The following DCLK1 variants were observed in gnomAD, a reference collection of about 807,000 sequenced individuals.
The protein encoded by DCLK1 is doublecortin like kinase 1.
Under a neutral mutation model 86.2 loss-of-function variants are expected in DCLK1, and 16 were observed. The ratio of observed to expected loss-of-function variants is 0.19; its 90% CI spans 0.13 to 0.28. DCLK1 has a LOEUF of 0.28. DCLK1 is among the 10% of genes least tolerant of loss of function. DCLK1 has a pLI of 1.00. For missense variants in DCLK1, 590 were observed against 940.2 expected, an observed-to-expected ratio of 0.63 and a Z score of 4.87; for synonymous variants, 369 against 370.5, an observed-to-expected ratio of 1.00 and a Z score of 0.05.
chr13:35,819,653 G>A (rs2087346831), intron 11 of DCLK1, among the ~76,000 whole-genome samples: 1 of 152,108 alleles, frequency 6.6e-6, no homozygotes, highest in African/African-American at 2.4e-5. Context: ...CCTATAATAA[G>A]TAAATGGATT....
In DCLK1 at chr13:36,010,164, T is replaced by C. The variant is rs1322450365; in HGVS notation, c.724-62707A>G. ...GTTTTCTAGATAAACAATCATGTCGTCTGCAAACAGGGACAATTTGACTTC... is the reference window on the plus strand; with the variant it reads ...GTTTTCTAGATAAACAATCATGTCGCCTGCAAACAGGGACAATTTGACTTC... On this transcript the variant is annotated intron_variant, in intron 3 of 16. Transcript: ENST00000360631. Among the ~76,000 whole-genome samples, 5 of 33,298 alleles carry C rather than the reference T, an allele frequency of 1.5e-4. No individual in the cohort carries two copies. In the South Asian group the frequency reaches 0.013, roughly 85 times the overall value. 21.8% of individuals were successfully genotyped at this position (33,298 alleles called of 152,430 possible). A position where few individuals can be genotyped will look rare whatever the true frequency, so the allele number is the denominator to read the frequency against.
intron 4 of DCLK1, among the ~76,000 whole-genome samples, chr13:35,925,948 A>C (rs75226744): frequency 6.6e-6 from 1 of 152,148 alleles, no homozygotes; most frequent in African/African-American, 2.4e-5. Context: ...CTTTACTTAA[A>C]CCCGTAGTTT....
chr13:36,087,586 AGT>A (rs1884656245), intron 3 of DCLK1, among the ~76,000 whole-genome samples: 1 of 152,156 alleles, frequency 6.6e-6, no homozygotes, highest in Non-Finnish European at 1.5e-5. Flanking sequence ...GCCTAGTGGC[AGT>A]TTGGACGTGC....
chr13:35,890,541 T>C (rs1214888813), intron 4 of DCLK1, among the ~76,000 whole-genome samples: 1 of 152,196 alleles, frequency 6.6e-6, no homozygotes, highest in Non-Finnish European at 1.5e-5. Context: ...ACAAATAAAC[T>C]GCAGTAAACC....
intron 4 of DCLK1, among the ~76,000 whole-genome samples, chr13:35,884,699 C>A (rs1214527967): frequency 6.6e-6 from 1 of 152,124 alleles, no homozygotes; most frequent in Non-Finnish European, 1.5e-5. Flanking sequence ...ACTCAACCTA[C>A]TCTAGCACAT....
chr13:36,086,579 C>A (rs996889851), intron 3 of DCLK1, among the ~76,000 whole-genome samples: 3 of 151,752 alleles, frequency 2.0e-5, no homozygotes, highest in Admixed American at 2.0e-4. Flanking sequence ...AGGTTTTAAG[C>A]CCCACATGCA....
At chr13:35,909,203 A>G (rs1476200002) in intron 4 of DCLK1, among the ~76,000 whole-genome samples, 1 of 152,166 alleles carries the variant, frequency 6.6e-6, no homozygotes, top group Non-Finnish European at 1.5e-5. Flanking sequence ...GTGGGGCCAC[A>G]TGGCTGCTGA....
chr13:35,914,364 T>TAC (rs1312474340), intron 4 of DCLK1, among the ~76,000 whole-genome samples: 1 of 8,182 alleles, frequency 1.2e-4, no homozygotes, highest in African/African-American at 3.2e-4. Flanking sequence ...TATATATATA[T>TAC]ATATGTATAT....
chr13:35,849,384 C>A, intron 6 of DCLK1: 1 of 985,114 alleles, frequency 1.0e-6, no homozygotes, highest in South Asian at 4.7e-5. Context: ...GTAAAAGCCT[C>A]CAAATGGCAT....
chr13:35,868,183 C>T (rs907254494), intron 5 of DCLK1, among the ~76,000 whole-genome samples: 9 of 151,912 alleles, frequency 5.9e-5, no homozygotes, highest in East Asian at 3.9e-4. Flanking sequence ...CCACCACGCC[C>T]GGCTAATTTT....
chr13:35,802,517 AT>A (rs904172232), intron 15 of DCLK1, among the ~76,000 whole-genome samples: 9 of 151,778 alleles, frequency 5.9e-5, no homozygotes, highest in Admixed American at 2.0e-4. Context: ...GTAAGCTTTT[AT>A]TTTTTTTCTT....
At chr13:36,008,860 T>C (rs1356518933) in intron 3 of DCLK1, among the ~76,000 whole-genome samples, 1 of 148,640 alleles carries the variant, frequency 6.7e-6, no homozygotes, top group East Asian at 2.1e-4. Context: ...AGTGTTCCTA[T>C]TTCTCCACAT....
At chr13:35,853,505 C>T (rs978141417) in intron 6 of DCLK1, among the ~76,000 whole-genome samples, 2 of 152,174 alleles carry the variant, frequency 1.3e-5, no homozygotes, top group Admixed American at 6.5e-5. Context: ...CACTCTTAGA[C>T]GTCTGGCAGC....
intron 6 of DCLK1, among the ~76,000 whole-genome samples, chr13:35,839,562 A>AT (rs1869642971): frequency 6.6e-6 from 1 of 151,858 alleles, no homozygotes; most frequent in South Asian, 2.1e-4. Context: ...CCCATCCACT[A>AT]TTTTTTCTAT....
At chr13:35,794,764 C>T (rs2086773911) in intron 15 of DCLK1, among the ~76,000 whole-genome samples, 1 of 152,240 alleles carries the variant, frequency 6.6e-6, no homozygotes, top group Non-Finnish European at 1.5e-5. Context: ...ATTCTAATGG[C>T]TTTACTGGAA....
At chr13:36,125,549 C>T (rs531364671) in intron 2 of DCLK1, among the ~76,000 whole-genome samples, 1 of 152,226 alleles carries the variant, frequency 6.6e-6, no homozygotes, top group South Asian at 2.1e-4. Flanking sequence ...GGACTTTTTC[C>T]CTTAGCACAT....
chr13:35,804,340 G>T (rs1382584845), intron 15 of DCLK1, among the ~76,000 whole-genome samples: 1 of 148,162 alleles, frequency 6.7e-6, no homozygotes, highest in African/African-American at 2.5e-5. Context: ...AGCCATGTTG[G>T]CCAGGCTGGT....
intron 10 of DCLK1, among the ~76,000 whole-genome samples, chr13:35,825,000 C>T (rs1593630576): frequency 6.6e-6 from 1 of 152,194 alleles, no homozygotes; most frequent in Admixed American, 6.5e-5. Context: ...GGCCCAGCTC[C>T]TCCACGAGGC....
chr13:35,822,665 A>G, intron 11 of DCLK1, 64 bp downstream of exon 11: 4 of 1,560,098 alleles, frequency 2.6e-6, no homozygotes, highest in African/African-American at 1.4e-5. Context: ...AGAAAAAAGA[A>G]ATATTCATAT....
Sources: allele counts gnomAD v4.1 joint callset (sites outside exome capture counted in the v4.1 genomes callset), GRCh38; gene constraint gnomAD v4.1.1; transcripts MANE v1.5; gene names NCBI Gene and HGNC (gene_info 2026-07-23, HGNC 2026-07-21).